Variants in EFNA5 observed in about 807,000 individuals in gnomAD.
EFNA5 encodes ephrin A5, also known as ephrin-A5.
Under a neutral mutation model 22.9 loss-of-function variants are expected in EFNA5, and 5 were observed. The observed-to-expected ratio is 0.22, with a 90% CI of 0.11 to 0.46. The LOEUF is 0.46. Ranked by LOEUF, EFNA5 falls within the 20% of genes least tolerant of loss-of-function variation. The pLI, the probability that EFNA5 is intolerant of heterozygous loss-of-function variation, is 0.99. For synonymous variants in EFNA5, 113 were observed against 112.2 expected (o/e 1.01, Z -0.04); for missense variants, 237 against 293.3 (o/e 0.81, Z 1.40).
At chr5:107,501,947 C>T (rs1747145513) in intron 1 of EFNA5, among the ~76,000 whole-genome samples, 1 of 152,168 alleles carries the variant, frequency 6.6e-6, no homozygotes, top group Non-Finnish European at 1.5e-5. Flanking sequence ...AAGAAAAGTA[C>T]TGCAGCTGTG....
chr5:107,526,522 T>G (rs1466642438), intron 1 of EFNA5, among the ~76,000 whole-genome samples: 2 of 152,232 alleles, frequency 1.3e-5, no homozygotes, highest in African/African-American at 2.4e-5. Flanking sequence ...CTGTATTTCA[T>G]AAGGCAAAAA....
chr5:107,594,141 A>C (rs4145099), intron 1 of EFNA5, among the ~76,000 whole-genome samples: 59,487 of 152,036 alleles, frequency 0.39, 13,400 homozygotes, highest in African/African-American at 0.62. Flanking sequence ...ATCAATACAA[A>C]CTGATTCATC....
At chr5:107,507,544 T>C (rs1485432568) in intron 1 of EFNA5, among the ~76,000 whole-genome samples, 2 of 152,002 alleles carry the variant, frequency 1.3e-5, no homozygotes, top group African/African-American at 2.4e-5. Context: ...TGGATATAAA[T>C]AACGGAAAAT....
chr5:107,411,073 T>C (rs1174219865), intron 2 of EFNA5, among the ~76,000 whole-genome samples: 1 of 151,670 alleles, frequency 6.6e-6, no homozygotes, highest in Non-Finnish European at 1.5e-5. Context: ...CAGCTAAACC[T>C]GCAAAAGCAC....
intron 1 of EFNA5, among the ~76,000 whole-genome samples, chr5:107,599,866 G>A (rs1417167450): frequency 6.6e-6 from 1 of 152,206 alleles, no homozygotes; most frequent in Non-Finnish European, 1.5e-5. Flanking sequence ...GTGCCTTGCA[G>A]ACACACAATG....
chr5:107,578,274 T>C (rs1458722582), intron 1 of EFNA5, among the ~76,000 whole-genome samples: 1 of 152,232 alleles, frequency 6.6e-6, no homozygotes, highest in Non-Finnish European at 1.5e-5. Flanking sequence ...TCAATCCAAC[T>C]GGTTATGCAT....
intron 1 of EFNA5, among the ~76,000 whole-genome samples, chr5:107,601,520 TAAG>T (rs1482945812): frequency 4.6e-5 from 7 of 152,138 alleles, no homozygotes; most frequent in Non-Finnish European, 7.4e-5. Flanking sequence ...AATTTAATCT[TAAG>T]AAGAGAGCAA....
intron 1 of EFNA5, among the ~76,000 whole-genome samples, chr5:107,475,312 T>C (rs973781228): frequency 3.9e-5 from 6 of 152,252 alleles, no homozygotes; most frequent in Non-Finnish European, 8.8e-5. Context: ...TTTCACATAC[T>C]TCACACTTAC....
At chr5:107,451,897 T>G (rs940017971) in intron 1 of EFNA5, among the ~76,000 whole-genome samples, 1 of 152,324 alleles carries the variant, frequency 6.6e-6, no homozygotes, top group South Asian at 2.1e-4. Context: ...GGGATATAAA[T>G]CATTCTACTA....
intron 1 of EFNA5, among the ~76,000 whole-genome samples, chr5:107,494,076 C>T (rs1746892857): frequency 6.6e-6 from 1 of 152,198 alleles, no homozygotes; most frequent in Admixed American, 6.5e-5. Flanking sequence ...TGAGAGATGA[C>T]GGCGTGCTGG....
intron 1 of EFNA5, among the ~76,000 whole-genome samples, chr5:107,513,658 G>A (rs1290362938): frequency 6.6e-6 from 1 of 152,192 alleles, no homozygotes; most frequent in Non-Finnish European, 1.5e-5. Context: ...TGGGGCACCA[G>A]CTTCTTGCAA....
At chr5:107,603,948 A>C (rs1749657943) in intron 1 of EFNA5, among the ~76,000 whole-genome samples, 1 of 152,228 alleles carries the variant, frequency 6.6e-6, no homozygotes, top group Non-Finnish European at 1.5e-5. Context: ...TGATAGGTTT[A>C]TCCCTTACCT....
chr5:107,461,739 G>A (rs1427243573), intron 1 of EFNA5, among the ~76,000 whole-genome samples: 1 of 152,060 alleles, frequency 6.6e-6, no homozygotes, highest in Non-Finnish European at 1.5e-5. Flanking sequence ...AGCAAATCCA[G>A]CAATAACTTG....
intron 1 of EFNA5, among the ~76,000 whole-genome samples, chr5:107,542,284 A>T (rs1271058782): frequency 6.6e-6 from 1 of 152,246 alleles, no homozygotes; most frequent in African/African-American, 2.4e-5. Context: ...TACTGAAAGG[A>T]AACTGTCAAA....
chr5:107,533,813 T>C (rs1306106638), intron 1 of EFNA5, among the ~76,000 whole-genome samples: 1 of 152,234 alleles, frequency 6.6e-6, no homozygotes, highest in East Asian at 1.9e-4. Context: ...AGACGGCTTC[T>C]TTATCCTTTC....
At chr5:107,384,858 C>T (rs1467644304) in intron 4 of EFNA5, among the ~76,000 whole-genome samples, 2 of 149,108 alleles carry the variant, frequency 1.3e-5, no homozygotes, top group African/African-American at 5.0e-5. Context: ...AAGCAATCCA[C>T]CCATCTCAGC....
intron 1 of EFNA5, among the ~76,000 whole-genome samples, chr5:107,451,923 A>G (rs1202501877): frequency 2.0e-5 from 3 of 152,208 alleles, no homozygotes; most frequent in African/African-American, 7.2e-5. Context: ...ACACATGTAC[A>G]CGTATGTTTA....
At chr5:107,628,545 T>C (rs1750184576) in intron 1 of EFNA5, among the ~76,000 whole-genome samples, 1 of 152,244 alleles carries the variant, frequency 6.6e-6, no homozygotes, top group Non-Finnish European at 1.5e-5. Context: ...GTTTCCTATT[T>C]AGACTATAAG....
At chr5:107,390,041 C>T (rs1185769517) in intron 2 of EFNA5, among the ~76,000 whole-genome samples, 2 of 152,172 alleles carry the variant, frequency 1.3e-5, no homozygotes, top group African/African-American at 4.8e-5. Flanking sequence ...TGGATTCACT[C>T]GATCATCACT....
Sources: gnomAD v4.1 joint callset for allele counts (sites outside exome capture counted in the v4.1 genomes callset) on GRCh38, gnomAD v4.1.1 for gene constraint, MANE v1.5 for transcripts, NCBI Gene and HGNC (gene_info 2026-07-23, HGNC 2026-07-21) for gene names.